The following PHF21A variants were observed in gnomAD, a reference collection of about 807,000 sequenced individuals.
The protein encoded by PHF21A is PHD finger protein 21A.
PHF21A carries 11 observed loss-of-function variants against 82.5 expected under a neutral mutation model. The observed-to-expected ratio is 0.13, with a 90% confidence interval of 0.08 to 0.22. PHF21A has a LOEUF of 0.22. Ranked by LOEUF, PHF21A falls within the 10% of genes least tolerant of loss-of-function variation. PHF21A has a pLI of 1.00. For synonymous variants in PHF21A, 297 were observed against 302.8 expected (o/e 0.98, Z 0.20); for missense variants, 579 against 837.8 (o/e 0.69, Z 3.81).
chr11:45,938,046 AGACG>A, intron 16 of PHF21A, 107 bp downstream of exon 16: 2 of 913,090 alleles, frequency 2.2e-6, no homozygotes, highest in South Asian at 1.9e-5. Flanking sequence ...TGCAGCCCGG[AGACG>A]GACTGGGAGA....
At chr11:46,059,763 G>T (rs966550079) in intron 6 of PHF21A, among the ~76,000 whole-genome samples, 1 of 152,132 alleles carries the variant, frequency 6.6e-6, no homozygotes, top group Admixed American at 6.5e-5. Context: ...GTCTCACTCT[G>T]TTGCCCAGGC....
chr11:45,936,459 A>C (rs967324717), intron 17 of PHF21A, 35 bp downstream of exon 17: 3 of 1,234,088 alleles, frequency 2.4e-6, no homozygotes, highest in African/African-American at 3.0e-5. Context: ...AACAAGGGGA[A>C]GCTTACAAAA....
At chr11:45,968,931 CAAAAA>C (rs59583388) in intron 9 of PHF21A, among the ~76,000 whole-genome samples, 2 of 85,668 alleles carry the variant, frequency 2.3e-5, no homozygotes, top group Non-Finnish European at 5.7e-5. Flanking sequence ...AACTCCATTG[CAAAAA>C]AAAAAAAAAA....
chr11:46,036,530 T>G (rs2096007682), intron 6 of PHF21A, among the ~76,000 whole-genome samples: 1 of 152,182 alleles, frequency 6.6e-6, no homozygotes, highest in Non-Finnish European at 1.5e-5. Context: ...ACGTTCAATC[T>G]CCCCACTTAG....
At chr11:46,024,142 T>G (rs757144111) in intron 6 of PHF21A, among the ~76,000 whole-genome samples, 27 of 152,250 alleles carry the variant, frequency 1.8e-4, no homozygotes, top group Non-Finnish European at 3.1e-4. Flanking sequence ...TTTTATATGT[T>G]GGGCTAACTG....
At chr11:46,005,604 T>C (rs1208739188) in intron 6 of PHF21A, among the ~76,000 whole-genome samples, 1 of 152,204 alleles carries the variant, frequency 6.6e-6, no homozygotes, top group Non-Finnish European at 1.5e-5. Context: ...TATTACATAC[T>C]AGGTAAATGA....
At position 45,945,962 on chromosome 11, in the gene PHF21A, G is replaced by A. The variant is rs1263972442; in HGVS notation, c.1330C>T (p.Leu444Phe). The A allele has an allele frequency of 6.2e-7, 1 of 1,613,644 alleles. No individual in the cohort carries two copies. Among genetic ancestry groups the A allele is most frequent in the African/African-American group, 1.3e-5 (1 of 74,848 alleles). The change falls in exon 15 of 19, where the codon CTT (leucine) becomes TTT (phenylalanine). Residue 444 changes from leucine to phenylalanine, a missense_variant. Leu to Phe is a conservative substitution (Grantham distance 22). Around this residue, in one of 3 missense-constraint regions of PHF21A, gnomAD observed 410 missense variants for 642.1 expected, o/e 0.64. Coordinates refer to ENST00000676320, the MANE Select transcript of PHF21A (RefSeq NM_001352027.3). ...KYNAVLGFGA[L>F]TPTSPQSSHP... is the part of the protein sequence containing the mutation. ...CTGGATTGGGGGGATGTTGGGGTAAGGGCTCCAAACCCCAGCACTGCATTG... is the reference window on the plus strand; with the variant it reads ...CTGGATTGGGGGGATGTTGGGGTAAAGGCTCCAAACCCCAGCACTGCATTG...
At chr11:46,013,834 C>T (rs1174099629) in intron 6 of PHF21A, among the ~76,000 whole-genome samples, 4 of 152,010 alleles carry the variant, frequency 2.6e-5, no homozygotes, top group Non-Finnish European at 5.9e-5. Context: ...TAAAAATACA[C>T]TACGAAAGAT....
At chr11:46,101,360 C>T (rs531624612) in intron 1 of PHF21A, among the ~76,000 whole-genome samples, 40 of 152,162 alleles carry the variant, frequency 2.6e-4, no homozygotes, top group Middle Eastern at 6.8e-3. Context: ...TTGAGTATAC[C>T]AATGTATCTA....
intron 7 of PHF21A, among the ~76,000 whole-genome samples, chr11:45,972,105 G>A (rs1225584066): frequency 6.6e-6 from 1 of 151,628 alleles, no homozygotes; most frequent in Non-Finnish European, 1.5e-5. Context: ...CTGGAGAACT[G>A]CTGCAGAAGT....
intron 6 of PHF21A, among the ~76,000 whole-genome samples, chr11:46,040,870 T>C (rs1160387446): frequency 6.8e-6 from 1 of 147,572 alleles, no homozygotes; most frequent in Non-Finnish European, 1.5e-5. Context: ...ATTTCACCCT[T>C]AGAACTACAC....
At position 45,934,184 on chromosome 11, in the gene PHF21A, C is replaced by T; in HGVS notation, c.1830G>A (p.Lys610=). The part of the protein sequence containing the change: ...EMKNTILARQ[K]EMHSSLEKVK... ...CCTTCTCCAGGGAGCTGTGCATCTCCTTCTGCCGGGCCAGGATGGTGTTCT... is the reference window on the plus strand; with the variant it reads ...CCTTCTCCAGGGAGCTGTGCATCTCTTTCTGCCGGGCCAGGATGGTGTTCT... The change falls in exon 19 of 19, where the codon AAG becomes AAA. Residue 610 remains lysine, a synonymous_variant. Coordinates refer to ENST00000676320, the MANE Select transcript of PHF21A (RefSeq NM_001352027.3). The T allele has an allele frequency of 6.2e-7, 1 of 1,614,008 alleles. No homozygotes were observed. The highest frequency in any genetic ancestry group is 1.1e-5 in the South Asian group (1 of 91,084).
At chr11:45,994,137 C>T (rs752135584) in intron 6 of PHF21A, among the ~76,000 whole-genome samples, 1 of 152,182 alleles carries the variant, frequency 6.6e-6, no homozygotes, top group African/African-American at 2.4e-5. Flanking sequence ...ACCTTACAGC[C>T]TCAAGCCAAA....
At chr11:46,046,811 A>G (rs1050761656) in intron 6 of PHF21A, among the ~76,000 whole-genome samples, 1 of 152,168 alleles carries the variant, frequency 6.6e-6, no homozygotes, top group African/African-American at 2.4e-5. Context: ...TGTCTGGACA[A>G]ACGAGAGTAG....
chr11:45,989,606 T>C (rs868831463), intron 6 of PHF21A, among the ~76,000 whole-genome samples: 1 of 149,730 alleles, frequency 6.7e-6, no homozygotes, highest in Non-Finnish European at 1.5e-5. Flanking sequence ...GAGGTGGAGG[T>C]TGCAGTGAGC....
In PHF21A at chr11:45,998,638, G is replaced by A. The variant is rs568833537; in HGVS notation, c.154-18672C>T. ...AGTGATTCTCCTGCCTCAGCCTCCC[G>A]AGTAGCTGGGATTACAGGTATGCGC... On this transcript the variant is annotated intron_variant, in intron 6 of 18. Transcript: ENST00000676320. Among the ~76,000 whole-genome samples, 50 of 149,676 alleles carry A rather than the reference G, an allele frequency of 3.3e-4. 1 individual carries two copies. Among genetic ancestry groups the A allele is most frequent in the Admixed American group, 4.7e-4 (7 of 14,992 alleles).
At chr11:46,071,753 AC>A in intron 6 of PHF21A, among the ~76,000 whole-genome samples, 1 of 151,962 alleles carries the variant, frequency 6.6e-6, no homozygotes, top group Middle Eastern at 3.4e-3. Context: ...AACTGGAAAC[AC>A]CCTATCATCA....
At chr11:45,963,687 A>C (rs1021007861) in intron 10 of PHF21A, among the ~76,000 whole-genome samples, 1 of 152,194 alleles carries the variant, frequency 6.6e-6, no homozygotes, top group Admixed American at 6.5e-5. Flanking sequence ...TTTATCAAAA[A>C]AAGAGGTAAA....
chr11:45,939,230 T>A (rs931671406), intron 15 of PHF21A, among the ~76,000 whole-genome samples: 1 of 152,206 alleles, frequency 6.6e-6, no homozygotes, highest in African/African-American at 2.4e-5. Context: ...TATGTTTTGG[T>A]AGAGGACAAC....
Sources: gnomAD v4.1 joint callset for allele counts (sites outside exome capture counted in the v4.1 genomes callset) on GRCh38, gnomAD v4.1.1 for gene constraint, gnomAD v4.1.1 regional missense constraint, MANE v1.5 for transcripts, NCBI Gene and HGNC (gene_info 2026-07-23, HGNC 2026-07-21) for gene names.